Variants in ATL3 observed in about 807,000 individuals in gnomAD.
The protein encoded by ATL3 is atlastin-3.
In ATL3, 49 loss-of-function variants were observed where a neutral mutation model predicts 69.5. That is an observed-to-expected ratio of 0.71 (90% CI 0.56 to 0.89). ATL3 has a LOEUF of 0.89. ATL3 is among the 40% of genes least tolerant of loss of function. The pLI is 0.00. For missense variants in ATL3, 606 were observed against 645.7 expected (o/e 0.94, Z 0.67); for synonymous variants, 214 against 224.1 (o/e 0.95, Z 0.40).
In ATL3 at chr11:63,669,018, G is replaced by A. The variant is rs192288261; in HGVS notation, c.46+2272C>T. The stretch of plus-strand genomic sequence containing the variant: ...TTTTTTTAATTTTTTTTTGGGTGGG[G>A]GGGGGCGTCTCACCATGTTGGCCAG... On this transcript the variant is annotated intron_variant, in intron 1 of 12. Transcript: ENST00000398868. Among the ~76,000 whole-genome samples, 2 of 140,744 alleles carry A rather than the reference G, an allele frequency of 1.4e-5. 1 individual carries two copies. The highest frequency in any genetic ancestry group is 3.1e-5 in the Non-Finnish European group (2 of 63,518). The allele number at this position is 140,744 out of a possible 152,430, so 92.3% of individuals were successfully genotyped here. A position where few individuals can be genotyped will look rare whatever the true frequency, so the allele number is the denominator to read the frequency against.
chr11:63,671,464 GT>G, upstream of ATL3: 8 of 1,478,566 alleles, frequency 5.4e-6, no homozygotes, highest in South Asian at 1.1e-4. Context: ...TAGCCAGAAG[GT>G]GGGGCACGCG....
Position 63,629,080 on chromosome 11 carries a change from T to C in ATL3, c.*239A>G, listed in dbSNP as rs1019661191. ...TGCACAAAGCAGAGTAATATGAAAA[T>C]AGACACAGGCTTGCATCTATAACAG... is the stretch of plus-strand genomic sequence containing the variant. On this transcript the variant is annotated 3_prime_UTR_variant, in exon 13 of 13. Coordinates refer to ENST00000398868, the MANE Select transcript of ATL3 (RefSeq NM_015459.5). 4 of 494,682 alleles carry C rather than the reference T, an allele frequency of 8.1e-6. No homozygotes were observed. Among genetic ancestry groups the C allele is most frequent in the Non-Finnish European group, 1.4e-5 (4 of 276,826 alleles). 30.6% of individuals were successfully genotyped at this position (494,682 alleles called of 1,614,324 possible). A position where few individuals can be genotyped will look rare whatever the true frequency, so the allele number is the denominator to read the frequency against.
chr11:63,647,784 C>A (rs1223148554), intron 5 of ATL3, among the ~76,000 whole-genome samples: 1 of 152,154 alleles, frequency 6.6e-6, no homozygotes, highest in Non-Finnish European at 1.5e-5. Flanking sequence ...AATAAATAAA[C>A]AGGACAAAGC....
At chr11:63,663,152 T>C (rs1414460435) in intron 1 of ATL3, among the ~76,000 whole-genome samples, 1 of 152,010 alleles carries the variant, frequency 6.6e-6, no homozygotes, top group Non-Finnish European at 1.5e-5. Flanking sequence ...AGTATTTTGC[T>C]CTGGCACACA....
intron 3 of ATL3, 74 bp downstream of exon 3, chr11:63,658,687 G>A: frequency 6.8e-7 from 1 of 1,467,416 alleles, no homozygotes; most frequent in Non-Finnish European, 9.1e-7. Context: ...TTTTAATTGG[G>A]TTAACACAGT....
chr11:63,636,250 TTGA>T lies in ATL3; in HGVS notation c.932_934del (p.Ile311del), dbSNP rs1238220931. 9 of 1,614,156 alleles carry T rather than the reference TTGA, an allele frequency of 5.6e-6. No homozygotes were observed. In the South Asian group the frequency reaches 6.6e-5, roughly 12 times the overall value. On this transcript the variant is annotated inframe_deletion, in exon 9 of 13. Transcript: ENST00000398868. Reference sequence around the variant, plus strand: ...TCCCCGACAGGTGACCTTTGAGCCATTGATCTCCTTTTCCATTAACTTAGATGG... The same window carrying T: ...TCCCCGACAGGTGACCTTTGAGCCATTCTCCTTTTCCATTAACTTAGATGG...
intron 5 of ATL3, among the ~76,000 whole-genome samples, chr11:63,651,259 A>G (rs1278595754): frequency 1.3e-5 from 2 of 152,118 alleles, no homozygotes; most frequent in African/African-American, 2.4e-5. Flanking sequence ...ATTTGAGACC[A>G]GCCGGACCGA....
chr11:63,646,614 T>C (rs1248932560), intron 5 of ATL3, 51 bp from the exon 6 acceptor site: 2 of 1,263,138 alleles, frequency 1.6e-6, no homozygotes, highest in African/African-American at 1.5e-5. Flanking sequence ...TTAAAATAGT[T>C]CTATGGCCTT....
At chr11:63,641,099 T>A (rs919584437) in intron 8 of ATL3, among the ~76,000 whole-genome samples, 3 of 152,204 alleles carry the variant, frequency 2.0e-5, no homozygotes, top group Admixed American at 2.0e-4. Context: ...TAATATATAA[T>A]GACCATTTGT....
chr11:63,668,251 C>A (rs1444377255), intron 1 of ATL3, among the ~76,000 whole-genome samples: 4 of 152,156 alleles, frequency 2.6e-5, no homozygotes, highest in African/African-American at 9.7e-5. Flanking sequence ...TGCTGGCAGT[C>A]TTTAAGGTTT....
Position 63,635,601 on chromosome 11 carries a change from A to C in ATL3, c.979-11T>G. ...AATTTTAATATATGCCTTAAAATATAAACATAAAAACTGCTATAAAATGTT... is the reference window on the plus strand; with the variant it reads ...AATTTTAATATATGCCTTAAAATATCAACATAAAAACTGCTATAAAATGTT... On this transcript the variant is annotated splice_polypyrimidine_tract_variant and intron_variant, in intron 9 of 12. Coordinates refer to ENST00000398868, the MANE Select transcript of ATL3 (RefSeq NM_015459.5). 6.4e-7 allele frequency: 1 copy of C among 1,572,282 alleles called. No homozygotes were observed. Among genetic ancestry groups the C allele is most frequent in the South Asian group, 1.1e-5 (1 of 89,552 alleles).
At chr11:63,636,160 A>T (rs1939507809) in intron 9 of ATL3, 47 bp downstream of exon 9, 2 of 1,585,898 alleles carry the variant, frequency 1.3e-6, no homozygotes, top group Non-Finnish European at 1.7e-6. Flanking sequence ...GAGTGAGATC[A>T]GCTTTACCAA....
chr11:63,671,805 G>C, upstream of ATL3: 2 of 1,097,320 alleles, frequency 1.8e-6, no homozygotes, highest in Non-Finnish European at 1.1e-6. Context: ...GGGCGGGCTG[G>C]CTCGGGTCCT....
chr11:63,661,888 C>CA (rs527840648), intron 1 of ATL3, among the ~76,000 whole-genome samples: 16,168 of 139,460 alleles, frequency 0.12, 1,015 homozygotes, highest in Middle Eastern at 0.19. Context: ...CACTCCGTCT[C>CA]AAAAAAAAAA....
upstream of ATL3, chr11:63,671,661 C>G (rs552900624): frequency 3.3e-5 from 45 of 1,383,746 alleles, no homozygotes; most frequent in Admixed American, 4.5e-5. Context: ...TGAGTGCTAC[C>G]GTCCTTTGGG....
chr11:63,653,024 T>C (rs1267670652), intron 3 of ATL3, among the ~76,000 whole-genome samples: 1 of 151,978 alleles, frequency 6.6e-6, no homozygotes, highest in Non-Finnish European at 1.5e-5. Context: ...ACCCAGTCTC[T>C]ACATAAAATT....
intron 3 of ATL3, among the ~76,000 whole-genome samples, chr11:63,657,142 G>A (rs868432674): frequency 2.0e-5 from 3 of 149,618 alleles, no homozygotes; most frequent in African/African-American, 5.0e-5. Context: ...CCTGGGAGGC[G>A]GAGACTGTAG....
At chr11:63,629,753 G>T (rs1939243098) in intron 12 of ATL3, among the ~76,000 whole-genome samples, 1 of 152,178 alleles carries the variant, frequency 6.6e-6, no homozygotes, top group South Asian at 2.1e-4. Flanking sequence ...GTCAGGTGTG[G>T]TGGCACTCGC....
At chr11:63,632,361 T>C in intron 11 of ATL3, 1 of 887,668 alleles carries the variant, frequency 1.1e-6, no homozygotes, top group East Asian at 2.4e-5. Context: ...CAATTCAAAA[T>C]TCAGATACTG....
Sources: allele counts gnomAD v4.1 joint callset (sites outside exome capture counted in the v4.1 genomes callset), GRCh38; gene constraint gnomAD v4.1.1; transcripts MANE v1.5; gene names NCBI Gene and HGNC (gene_info 2026-07-23, HGNC 2026-07-21).